KCNMB2: variants seen among roughly 807,000 people sequenced by gnomAD.
The protein encoded by KCNMB2 is calcium-activated potassium channel subunit beta-2.
In KCNMB2, 9 loss-of-function variants were observed where a neutral mutation model predicts 24.5. That is an observed-to-expected ratio of 0.37 (90% CI 0.22 to 0.64). The LOEUF is 0.64. Among genes scored for constraint, KCNMB2 ranks in the 30% least tolerant of loss-of-function variants. The pLI is 0.63. For missense variants in KCNMB2, 226 were observed against 284.3 expected (o/e 0.79, Z 1.47); for synonymous variants, 109 against 104.4 (o/e 1.04, Z -0.27).
intron 1 of KCNMB2, among the ~76,000 whole-genome samples, chr3:178,661,904 C>T (rs1034847348): frequency 8.5e-5 from 13 of 152,100 alleles, no homozygotes; most frequent in Non-Finnish European, 1.6e-4. Flanking sequence ...ATCTATAGTC[C>T]TCACAACAGG....
chr3:178,567,710 G>A (rs1716577922), intron 1 of KCNMB2, among the ~76,000 whole-genome samples: 1 of 152,188 alleles, frequency 6.6e-6, no homozygotes, highest in Non-Finnish European at 1.5e-5. Context: ...TAGACTATTT[G>A]TAGCCAGAGA....
In KCNMB2 at chr3:178,572,181, C is replaced by T. The variant is rs111845653; in HGVS notation, c.-68+35470C>T. On this transcript the variant is annotated intron_variant, in intron 1 of 4. Transcript: ENST00000452583. ...ACAAAAGAAGGGTGGTTGGTCAATG[C>T]GCATTTTTTGTGTGAGTGAGTATGA... is the stretch of plus-strand genomic sequence containing the variant. 3.5e-3 allele frequency among the ~76,000 whole-genome samples: 535 copies of T among 152,264 alleles called. 1 individual carries two copies. Among genetic ancestry groups the T allele is most frequent in the African/African-American group, 0.012 (500 of 41,558 alleles).
intron 1 of KCNMB2, among the ~76,000 whole-genome samples, chr3:178,550,225 C>A (rs188501161): frequency 6.6e-6 from 1 of 150,988 alleles, no homozygotes; most frequent in Non-Finnish European, 1.5e-5. Context: ...CCGAGGCGGG[C>A]GGATCATGAG....
intron 2 of KCNMB2, among the ~76,000 whole-genome samples, chr3:178,821,962 G>A (rs1373784541): frequency 3.3e-5 from 5 of 152,024 alleles, no homozygotes; most frequent in South Asian, 4.1e-4. Context: ...TCTGATTTAA[G>A]CCTTATCCTG....
chr3:178,676,068 A>C (rs1263603098), intron 1 of KCNMB2, among the ~76,000 whole-genome samples: 1 of 152,194 alleles, frequency 6.6e-6, no homozygotes. Flanking sequence ...TTCAAACTCA[A>C]GTATCTATGA....
At chr3:178,718,718 C>A (rs1288390756) in intron 1 of KCNMB2, among the ~76,000 whole-genome samples, 1 of 152,206 alleles carries the variant, frequency 6.6e-6, no homozygotes. Context: ...CAGTTTCTTT[C>A]CACTGCCCCA....
intron 1 of KCNMB2, among the ~76,000 whole-genome samples, chr3:178,715,592 G>A (rs557710515): frequency 1.3e-5 from 2 of 152,130 alleles, no homozygotes; most frequent in South Asian, 2.1e-4. Context: ...CTGCTTTTCT[G>A]GTTTCTGAGT....
intron 1 of KCNMB2, among the ~76,000 whole-genome samples, chr3:178,800,953 A>G (rs2108447564): frequency 6.6e-6 from 1 of 152,280 alleles, no homozygotes; most frequent in Non-Finnish European, 1.5e-5. Context: ...GGTCTCACTC[A>G]TTTGTGGAAG....
At chr3:178,665,096 T>C (rs531754631) in intron 1 of KCNMB2, among the ~76,000 whole-genome samples, 1 of 152,266 alleles carries the variant, frequency 6.6e-6, no homozygotes, top group South Asian at 2.1e-4. Context: ...TTCATTCTGC[T>C]TTGTGGCATT....
At chr3:178,651,571 T>C (rs191661543) in intron 1 of KCNMB2, among the ~76,000 whole-genome samples, 1 of 152,176 alleles carries the variant, frequency 6.6e-6, no homozygotes, top group South Asian at 2.1e-4. Flanking sequence ...AAAAAACTGC[T>C]TTAAAGTTCA....
intron 1 of KCNMB2, among the ~76,000 whole-genome samples, chr3:178,558,463 A>G (rs1716201025): frequency 6.6e-6 from 1 of 152,232 alleles, no homozygotes; most frequent in African/African-American, 2.4e-5. Context: ...TCTGTAAAAC[A>G]AGATGAATAA....
intron 1 of KCNMB2, among the ~76,000 whole-genome samples, chr3:178,726,046 T>C: frequency 6.6e-6 from 1 of 151,946 alleles, no homozygotes; most frequent in Non-Finnish European, 1.5e-5. Context: ...ATATTTTTAA[T>C]GCTTAAATTT....
Position 178,703,275 on chromosome 3 carries a change from G to C in KCNMB2, c.-67-104068G>C, listed in dbSNP as rs532282559. ...AGACTCATTTTGCAAGTGAGAAAAG[G>C]GGTTGAGTGGAGGGCCACAGAACTG... On this transcript the variant is annotated intron_variant, in intron 1 of 4. Transcript: ENST00000452583. Among the ~76,000 whole-genome samples the C allele has an allele frequency of 1.1e-3, 169 of 152,244 alleles. 4 individuals are homozygous for C. Among genetic ancestry groups the C allele is most frequent in the African/African-American group, 3.9e-3 (164 of 41,560 alleles).
chr3:178,630,138 C>T (rs566109785), intron 1 of KCNMB2, among the ~76,000 whole-genome samples: 3 of 152,240 alleles, frequency 2.0e-5, no homozygotes, highest in South Asian at 2.1e-4. Context: ...ATTTCCCTGG[C>T]GCTTCTTTTA....
At chr3:178,618,898 G>C (rs925887349) in intron 1 of KCNMB2, among the ~76,000 whole-genome samples, 3 of 152,146 alleles carry the variant, frequency 2.0e-5, no homozygotes, top group Non-Finnish European at 4.4e-5. Context: ...TAGTCCTTAG[G>C]TAAGAATTAT....
intron 2 of KCNMB2, among the ~76,000 whole-genome samples, chr3:178,809,723 T>G (rs991682451): frequency 6.6e-6 from 1 of 152,248 alleles, no homozygotes; most frequent in African/African-American, 2.4e-5. Context: ...GTAATATTTG[T>G]GGAGTTTGAA....
chr3:178,672,875 C>T (rs1577087248), intron 1 of KCNMB2, among the ~76,000 whole-genome samples: 1 of 152,104 alleles, frequency 6.6e-6, no homozygotes, highest in Non-Finnish European at 1.5e-5. Flanking sequence ...AGGGTCATAC[C>T]TCCAGGCTTG....
intron 4 of KCNMB2, among the ~76,000 whole-genome samples, chr3:178,836,916 T>C (rs965271485): frequency 6.6e-6 from 1 of 152,164 alleles, no homozygotes; most frequent in Admixed American, 6.5e-5. Context: ...ATGCATTCTA[T>C]GTATTCAAAA....
At chr3:178,706,959 G>T (rs1233276280) in intron 1 of KCNMB2, among the ~76,000 whole-genome samples, 1 of 152,106 alleles carries the variant, frequency 6.6e-6, no homozygotes, top group East Asian at 1.9e-4. Context: ...GTATACCTAT[G>T]TAACAATCCT....
Sources: gnomAD v4.1 joint callset for allele counts (sites outside exome capture counted in the v4.1 genomes callset) on GRCh38, gnomAD v4.1.1 for gene constraint, MANE v1.5 for transcripts, NCBI Gene and HGNC (gene_info 2026-07-23, HGNC 2026-07-21) for gene names.